The following P2RY2 variants were observed in gnomAD, a reference collection of about 807,000 sequenced individuals.
The protein encoded by P2RY2 is purinergic receptor P2Y2.
For missense variants in P2RY2, 567 were observed against 515.7 expected, an observed-to-expected ratio of 1.10 and a Z score of -0.96; for synonymous variants, 241 against 231.9, an observed-to-expected ratio of 1.04 and a Z score of -0.35.
At chr11:73,231,567 A>C (rs896804443) in intron 2 of P2RY2, among the ~76,000 whole-genome samples, 4 of 151,710 alleles carry the variant, frequency 2.6e-5, no homozygotes, top group Admixed American at 1.3e-4. Flanking sequence ...AAAAAGAAAA[A>C]AAAAAAAGAA....
rs534767692 is a variant in P2RY2 at position 73,234,694 on chromosome 11, G to A, written c.535G>A (p.Gly179Ser). ...LYFVTTSARG[G>S]RVTCHDTSAP... The stretch of plus-strand genomic sequence containing the variant: ...CTTTGTCACCACCAGCGCGCGCGGG[G>A]GCCGCGTAACCTGCCACGACACCTC... Residue 179 changes from glycine to serine, a missense_variant, in exon 3 of 3, where the codon GGC (glycine) becomes AGC (serine). Transcript: ENST00000393597. 1 of 1,604,404 alleles carries A rather than the reference G, an allele frequency of 6.2e-7. No individual in the cohort carries two copies. The highest frequency in any genetic ancestry group is 1.3e-5 in the African/African-American group (1 of 74,974).
At chr11:73,224,822 T>A (rs146744666) in intron 1 of P2RY2, among the ~76,000 whole-genome samples, 1,641 of 152,306 alleles carry the variant, frequency 0.011, 14 homozygotes, top group Middle Eastern at 0.034. Context: ...CCACCCTCCA[T>A]GCCTTCTTTA....
intron 2 of P2RY2, among the ~76,000 whole-genome samples, chr11:73,231,871 G>A (rs1862469723): frequency 6.6e-6 from 1 of 151,992 alleles, no homozygotes; most frequent in South Asian, 2.1e-4. Flanking sequence ...CCAACATGGT[G>A]AAACCCCATC....
intron 1 of P2RY2, among the ~76,000 whole-genome samples, chr11:73,222,126 G>C (rs888682985): frequency 6.6e-6 from 1 of 152,122 alleles, no homozygotes; most frequent in African/African-American, 2.4e-5. Flanking sequence ...TGTCATTGTA[G>C]CTCCTGAATG....
rs1033844350 is a variant in P2RY2, at chr11:73,228,190, G to A, written c.-5+15G>A. 8.2e-6 allele frequency: 1 copy of A among 122,184 alleles called. No individual in the cohort carries two copies. Among genetic ancestry groups the A allele is most frequent in the South Asian group, 3.0e-4 (1 of 3,284 alleles). The allele number at this position is 122,184 out of a possible 1,614,324, so 7.6% of individuals were successfully genotyped here. ...GGGCTGGTCAGGTACGTGGGGTGGG[G>A]GTGGGGGGGAGCGGGTACGCTGGCC... On this transcript the variant is annotated intron_variant, in intron 2 of 2. Transcript: ENST00000393597.
At chr11:73,225,583 C>T (rs970229736) in intron 1 of P2RY2, among the ~76,000 whole-genome samples, 7 of 142,874 alleles carry the variant, frequency 4.9e-5, no homozygotes, top group Admixed American at 7.0e-5. Context: ...GGGAGAGGGC[C>T]GGGGCCTTGC....
chr11:73,231,386 A>G (rs2135642189), intron 2 of P2RY2, among the ~76,000 whole-genome samples: 1 of 79,608 alleles, frequency 1.3e-5, no homozygotes, highest in East Asian at 7.6e-4. Context: ...TCTCTACTAA[A>G]AAATACAAAA....
At chr11:73,228,717 G>A (rs1291797696) in intron 2 of P2RY2, among the ~76,000 whole-genome samples, 1 of 152,216 alleles carries the variant, frequency 6.6e-6, no homozygotes, top group Non-Finnish European at 1.5e-5. Context: ...CCCCTAGAGG[G>A]GCTGGGTTGT....
At chr11:73,222,038 G>A (rs763850448) in intron 1 of P2RY2, among the ~76,000 whole-genome samples, 53 of 152,168 alleles carry the variant, frequency 3.5e-4, no homozygotes, top group Non-Finnish European at 1.3e-4. Flanking sequence ...GATGAGTAGC[G>A]GGAGTTTCTG....
In P2RY2 at chr11:73,234,725, C is replaced by G. The variant is rs777506979; in HGVS notation, c.566C>G (p.Pro189Arg). Residue 189 changes from proline (P) to arginine (R), a missense_variant, in exon 3 of 3, where the codon CCC becomes CGC. By Grantham distance (103) the Pro-to-Arg change is moderately radical (BLOSUM62 -2). Coordinates refer to ENST00000393597, the MANE Select transcript of P2RY2 (RefSeq NM_002564.4). ...GTAACCTGCCACGACACCTCGGCAC[C>G]CGAGCTCTTCAGCCGCTTCGTGGCC... ...GRVTCHDTSA[P>R]ELFSRFVAYS... is the part of the protein sequence containing the mutation. 1.9e-6 allele frequency: 3 copies of G among 1,609,246 alleles called. No individual in the cohort carries two copies. The South Asian group carries it at 3.3e-5, about 18-fold the overall frequency.
chr11:73,225,099 A>G lies in P2RY2; in HGVS notation c.-199-2882A>G, dbSNP rs140350172. Among the ~76,000 whole-genome samples, 750 of 152,300 alleles carry G rather than the reference A, an allele frequency of 4.9e-3. 11 individuals are homozygous for G. Among genetic ancestry groups the G allele is most frequent in the African/African-American group, 0.017 (724 of 41,566 alleles). Reference sequence around the variant, plus strand: ...CCAACTCCTGGCAGAGATAGGCAGCAGGGGTCTCCACAGTGGTGACAGCAC... The same window carrying G: ...CCAACTCCTGGCAGAGATAGGCAGCGGGGGTCTCCACAGTGGTGACAGCAC... On this transcript the variant is annotated intron_variant, in intron 1 of 2. Coordinates refer to ENST00000393597, the MANE Select transcript of P2RY2 (RefSeq NM_002564.4).
chr11:73,219,378 T>A (rs981285960), intron 1 of P2RY2, among the ~76,000 whole-genome samples: 2 of 152,250 alleles, frequency 1.3e-5, no homozygotes, highest in Non-Finnish European at 2.9e-5. Flanking sequence ...TATGTTCCAA[T>A]CCTGTCTTGG....
At position 73,237,184 on chromosome 11, in the gene P2RY2, G is replaced by C; in HGVS notation, c.*1891G>C. 1 of 840,558 alleles carries C rather than the reference G, an allele frequency of 1.2e-6. No individual in the cohort carries two copies. The highest frequency in any genetic ancestry group is 1.4e-6 in the Non-Finnish European group (1 of 697,590). The allele number at this position is 840,558 out of a possible 1,614,324, so 52.1% of individuals were successfully genotyped here. On this transcript the variant is annotated 3_prime_UTR_variant, in exon 3 of 3. Transcript: ENST00000393597. ...GTGGGTGACCTGCCCAGAATAGTGTGAGCTATTCACCTCTCACCTTCTAGG... is the reference window on the plus strand; with the variant it reads ...GTGGGTGACCTGCCCAGAATAGTGTCAGCTATTCACCTCTCACCTTCTAGG...
In P2RY2 at chr11:73,237,833, C is replaced by T. The variant is rs1862690524; in HGVS notation, c.*2540C>T. Among the ~76,000 whole-genome samples the T allele has an allele frequency of 6.6e-6, 1 of 152,172 alleles. No homozygotes were observed. Among genetic ancestry groups the T allele is most frequent in the Non-Finnish European group, 1.5e-5 (1 of 68,026 alleles). ...CCTGATGCCTCATGCTATTTTCAGC[C>T]CAAGTAAGACCATAATTTTCCACTC... On this transcript the variant is annotated 3_prime_UTR_variant, in exon 3 of 3. Coordinates refer to ENST00000393597, the MANE Select transcript of P2RY2 (RefSeq NM_002564.4).
chr11:73,241,660 A>G lies in P2RY2; in HGVS notation c.*6367A>G, dbSNP rs1276818555. 1.3e-5 allele frequency: 2 copies of G among 152,044 alleles called. No individual in the cohort carries two copies. Among genetic ancestry groups the G allele is most frequent in the South Asian group, 2.1e-4 (1 of 4,816 alleles). 9.4% of individuals were successfully genotyped at this position (152,044 alleles called of 1,614,324 possible). On this transcript the variant is annotated 3_prime_UTR_variant, in exon 3 of 3. Coordinates refer to ENST00000393597, the MANE Select transcript of P2RY2 (RefSeq NM_002564.4). ...GAATGCTCACCTGTCCTCTTCCCCCATGCTGTGAGGACCTTCATCACTCCT... is the reference window on the plus strand; with the variant it reads ...GAATGCTCACCTGTCCTCTTCCCCCGTGCTGTGAGGACCTTCATCACTCCT...
At chr11:73,221,651 A>G (rs1440127581) in intron 1 of P2RY2, among the ~76,000 whole-genome samples, 1 of 152,044 alleles carries the variant, frequency 6.6e-6, no homozygotes, top group Non-Finnish European at 1.5e-5. Flanking sequence ...TGCTTTCTGT[A>G]GGCCTGCTTG....
At position 73,238,140 on chromosome 11, in the gene P2RY2, C is replaced by A. The variant is rs114095571; in HGVS notation, c.*2847C>A. Among the ~76,000 whole-genome samples, 2,416 of 152,316 alleles carry A rather than the reference C, an allele frequency of 0.016. 74 individuals are homozygous for A. The highest frequency in any genetic ancestry group is 0.056 in the African/African-American group (2,324 of 41,554). On this transcript the variant is annotated 3_prime_UTR_variant, in exon 3 of 3. Transcript: ENST00000393597. ...GGTCAGCGTGGCGCCTGGATGTAAG[C>A]AAGTGCCTTGGTGACGATCCTGCTG...
At chr11:73,222,536 C>G (rs779788543) in intron 1 of P2RY2, among the ~76,000 whole-genome samples, 2 of 152,150 alleles carry the variant, frequency 1.3e-5, no homozygotes, top group Non-Finnish European at 1.5e-5. Flanking sequence ...GGCATTTGAG[C>G]CTTTTCAAGT....
At chr11:73,222,156 T>A (rs1790076) in intron 1 of P2RY2, among the ~76,000 whole-genome samples, 1 of 152,088 alleles carries the variant, frequency 6.6e-6, no homozygotes, top group Non-Finnish European at 1.5e-5. Flanking sequence ...GGTGCTGGAG[T>A]GAGGGAAAGG....
Sources: allele counts gnomAD v4.1 joint callset (sites outside exome capture counted in the v4.1 genomes callset), GRCh38; gene constraint gnomAD v4.1.1; transcripts MANE v1.5; gene names NCBI Gene and HGNC (gene_info 2026-07-23, HGNC 2026-07-21).